RAB3C: variants seen among roughly 807,000 people sequenced by gnomAD.
RAB3C encodes the protein ras-related protein Rab-3C.
In RAB3C, 17 loss-of-function variants were observed where a neutral mutation model predicts 26.4. The observed-to-expected ratio is 0.64, with a 90% CI of 0.44 to 0.97. The LOEUF is 0.97. Among genes scored for constraint, RAB3C ranks in the 50% least tolerant of loss-of-function variants. The pLI, the probability that RAB3C is intolerant of heterozygous loss-of-function variation, is 0.00. For missense variants in RAB3C, 242 were observed against 281.9 expected (o/e 0.86, Z 1.01); for synonymous variants, 91 against 95.9 (o/e 0.95, Z 0.30).
intron 3 of RAB3C, among the ~76,000 whole-genome samples, chr5:58,813,781 GCA>G (rs1287715145): frequency 1.4e-5 from 1 of 69,742 alleles, no homozygotes; most frequent in African/African-American, 9.7e-5. Context: ...TTCAGTGAAT[GCA>G]CACATACAGG....
At chr5:58,693,353 T>TATATAC (rs1554048088) in intron 2 of RAB3C, among the ~76,000 whole-genome samples, 4 of 142,292 alleles carry the variant, frequency 2.8e-5, no homozygotes, top group African/African-American at 1.1e-4. Flanking sequence ...TATATATATA[T>TATATAC]ATATATATAA....
chr5:58,840,164 A>T (rs1607026), intron 4 of RAB3C, among the ~76,000 whole-genome samples: 2,818 of 151,694 alleles, frequency 0.019, 95 homozygotes, highest in African/African-American at 0.064. Flanking sequence ...TTATTTATTT[A>T]TCTTTTTTCT....
chr5:58,820,188 C>T (rs1743307921), intron 3 of RAB3C, among the ~76,000 whole-genome samples: 1 of 150,494 alleles, frequency 6.6e-6, no homozygotes, highest in Non-Finnish European at 1.5e-5. Flanking sequence ...TGTTAACCTA[C>T]CATGCACTAA....
At chr5:58,716,845 T>C (rs1481853397) in intron 2 of RAB3C, among the ~76,000 whole-genome samples, 2 of 151,766 alleles carry the variant, frequency 1.3e-5, no homozygotes, top group South Asian at 2.1e-4. Flanking sequence ...CAGGGGACTT[T>C]TAGGGCAGTG....
intron 3 of RAB3C, among the ~76,000 whole-genome samples, chr5:58,808,751 C>T (rs1048525695): frequency 6.6e-6 from 1 of 152,142 alleles, no homozygotes; most frequent in African/African-American, 2.4e-5. Context: ...GGTGGATGCT[C>T]TTTCTTATTT....
At chr5:58,627,677 A>C (rs548512877) in intron 2 of RAB3C, among the ~76,000 whole-genome samples, 226 of 152,242 alleles carry the variant, frequency 1.5e-3, no homozygotes, top group Non-Finnish European at 2.8e-3. Flanking sequence ...CTTTCCTAAC[A>C]CTAATTTTGC....
intron 2 of RAB3C, among the ~76,000 whole-genome samples, chr5:58,635,486 T>C (rs1451295531): frequency 1.3e-5 from 2 of 152,236 alleles, no homozygotes; most frequent in African/African-American, 4.8e-5. Context: ...AATAGTTCCC[T>C]GAGCTTACAG....
At chr5:58,690,272 A>T (rs1419924252) in intron 2 of RAB3C, among the ~76,000 whole-genome samples, 1 of 152,174 alleles carries the variant, frequency 6.6e-6, no homozygotes, top group African/African-American at 2.4e-5. Context: ...TGGTAACTGA[A>T]TTCATTCCTG....
chr5:58,589,070 TAGATA>T (rs1166955711), intron 1 of RAB3C, among the ~76,000 whole-genome samples: 1 of 152,166 alleles, frequency 6.6e-6, no homozygotes, highest in Non-Finnish European at 1.5e-5. Flanking sequence ...TGTTTTGGTA[TAGATA>T]TTATTTATTA....
intron 2 of RAB3C, among the ~76,000 whole-genome samples, chr5:58,632,331 C>T (rs1057489738): frequency 9.9e-5 from 15 of 152,176 alleles, no homozygotes; most frequent in Admixed American, 7.9e-4. Flanking sequence ...AGTCCCTTGT[C>T]GGAATCACTT....
chr5:58,740,626 C>A (rs952206803), intron 3 of RAB3C, among the ~76,000 whole-genome samples: 2 of 152,080 alleles, frequency 1.3e-5, no homozygotes, highest in African/African-American at 4.8e-5. Context: ...TAAAGATCAG[C>A]CTGGCCAGCA....
intron 3 of RAB3C, among the ~76,000 whole-genome samples, chr5:58,818,042 A>G (rs1743254251): frequency 6.6e-6 from 1 of 152,218 alleles, no homozygotes. Context: ...AGTGAGTCAT[A>G]TTCTCTCTGA....
chr5:58,746,324 A>G (rs1741402546), intron 3 of RAB3C, among the ~76,000 whole-genome samples: 1 of 152,112 alleles, frequency 6.6e-6, no homozygotes, highest in African/African-American at 2.4e-5. Flanking sequence ...ACTTTTTATC[A>G]CCTTTCCAAA....
chr5:58,810,184 C>T (rs556427651), intron 3 of RAB3C, among the ~76,000 whole-genome samples: 9 of 152,288 alleles, frequency 5.9e-5, no homozygotes, highest in Non-Finnish European at 1.2e-4. Flanking sequence ...TGTCTCCCAT[C>T]AGAAACCAGC....
intron 2 of RAB3C, among the ~76,000 whole-genome samples, chr5:58,672,240 A>G (rs1353842955): frequency 6.6e-6 from 1 of 152,150 alleles, no homozygotes; most frequent in Non-Finnish European, 1.5e-5. Flanking sequence ...AACTGCAGAA[A>G]CGGCACACTA....
chr5:58,748,187 G>GT (rs1424843382), intron 3 of RAB3C, among the ~76,000 whole-genome samples: 5 of 147,146 alleles, frequency 3.4e-5, no homozygotes, highest in South Asian at 2.1e-4. Context: ...GAATTTCAAG[G>GT]GGGGGGAAAT....
chr5:58,816,117 C>T (rs1355517675), intron 3 of RAB3C, among the ~76,000 whole-genome samples: 1 of 152,154 alleles, frequency 6.6e-6, no homozygotes, highest in African/African-American at 2.4e-5. Flanking sequence ...CACAGCTAAA[C>T]TTTGGGCCCC....
intron 3 of RAB3C, among the ~76,000 whole-genome samples, chr5:58,784,569 T>A (rs1187201861): frequency 4.6e-5 from 7 of 151,466 alleles, no homozygotes; most frequent in Admixed American, 4.6e-4. Context: ...ATTGCTGCTT[T>A]TTCATTAAAG....
chr5:58,802,492 G>A (rs1742833241), intron 3 of RAB3C, among the ~76,000 whole-genome samples: 1 of 152,328 alleles, frequency 6.6e-6, no homozygotes. Context: ...GGCCACGGCT[G>A]CTGACATAAG....
Sources: allele counts gnomAD v4.1 joint callset (sites outside exome capture counted in the v4.1 genomes callset), GRCh38; gene constraint gnomAD v4.1.1; transcripts MANE v1.5; gene names NCBI Gene and HGNC (gene_info 2026-07-23, HGNC 2026-07-21).